IPO11: variants seen among roughly 807,000 people sequenced by gnomAD.
IPO11 encodes importin 11, also known as importin-11.
Under a neutral mutation model 143.2 loss-of-function variants are expected in IPO11, and 66 were observed. The ratio of observed to expected loss-of-function variants is 0.46; its 90% CI spans 0.38 to 0.57. IPO11 has a LOEUF of 0.57. Ranked by LOEUF, IPO11 falls within the 20% of genes least tolerant of loss-of-function variation. The pLI is 0.00. For missense variants in IPO11, 1,026 were observed against 1,141.0 expected (o/e 0.90, Z 1.45); for synonymous variants, 385 against 377.8 (o/e 1.02, Z -0.22).
chr5:62,418,917 A>G, intron 1 of IPO11: 1 of 1,407,268 alleles, frequency 7.1e-7, no homozygotes, highest in Non-Finnish European at 9.5e-7. Context: ...GGGTCATAGA[A>G]GATACAGTCA....
chr5:62,620,647 C>G (rs1210080378), intron 29 of IPO11, among the ~76,000 whole-genome samples: 1 of 151,644 alleles, frequency 6.6e-6, no homozygotes, highest in Admixed American at 6.6e-5. Context: ...TTCTAAAGAC[C>G]TGGAGTCAAT....
intron 12 of IPO11, 85 bp from the exon 13 acceptor site, chr5:62,487,686 A>G: frequency 8.0e-7 from 1 of 1,249,254 alleles, no homozygotes; most frequent in Non-Finnish European, 1.0e-6. Context: ...TTAGAATTTT[A>G]AGATTAAGTA....
At chr5:62,423,082 A>T (rs1743577716) in intron 1 of IPO11, among the ~76,000 whole-genome samples, 1 of 152,172 alleles carries the variant, frequency 6.6e-6, no homozygotes, top group Non-Finnish European at 1.5e-5. Context: ...TGTTGGCTTG[A>T]TATGCTCCAT....
chr5:62,494,285 T>G (rs1231611477), intron 16 of IPO11, among the ~76,000 whole-genome samples, 161 bp downstream of exon 16: 1 of 152,210 alleles, frequency 6.6e-6, no homozygotes, highest in African/African-American at 2.4e-5. Context: ...AGAAAATCTT[T>G]TGATTCTTGT....
At position 62,494,454 on chromosome 5, in the gene IPO11, A is replaced by G. The variant is rs575683351; in HGVS notation, c.1590+330A>G. ...TAGACTTTGGCATTGAAATAGCATC[A>G]TAATTTATTTCATCTTTACTGTTGA... On this transcript the variant is annotated intron_variant, in intron 16 of 29. Coordinates refer to ENST00000325324, the MANE Select transcript of IPO11 (RefSeq NM_016338.5). Among the ~76,000 whole-genome samples, 8 of 152,300 alleles carry G rather than the reference A, an allele frequency of 5.3e-5. No individual in the cohort carries two copies. The South Asian group carries it at 1.4e-3, about 28-fold the overall frequency.
At chr5:62,608,205 C>A (rs1460934690) in intron 29 of IPO11, among the ~76,000 whole-genome samples, 1 of 152,166 alleles carries the variant, frequency 6.6e-6, no homozygotes, top group East Asian at 1.9e-4. Context: ...CATTCCTTTT[C>A]TTTTGGTAGA....
chr5:62,481,968 C>T (rs943383620), intron 9 of IPO11, among the ~76,000 whole-genome samples: 1 of 152,060 alleles, frequency 6.6e-6, no homozygotes, highest in Non-Finnish European at 1.5e-5. Flanking sequence ...AATTTCAGAG[C>T]CTGTTACTGG....
chr5:62,564,378 C>G (rs1176274184), intron 27 of IPO11, among the ~76,000 whole-genome samples: 1 of 152,150 alleles, frequency 6.6e-6, no homozygotes, highest in East Asian at 1.9e-4. Context: ...TTTTCCTCTT[C>G]TGCATCCTCA....
intron 27 of IPO11, among the ~76,000 whole-genome samples, chr5:62,584,159 T>TA (rs1744668845): frequency 6.6e-6 from 1 of 152,220 alleles, no homozygotes; most frequent in Non-Finnish European, 1.5e-5. Context: ...TGTGGAATTT[T>TA]AAAAACATAT....
intron 19 of IPO11, among the ~76,000 whole-genome samples, chr5:62,514,229 G>C (rs969600407): frequency 6.6e-5 from 10 of 152,076 alleles, no homozygotes; most frequent in Non-Finnish European, 1.5e-4. Flanking sequence ...ACTTTGGGGG[G>C]CCAAGGCAGG....
intron 9 of IPO11, among the ~76,000 whole-genome samples, chr5:62,477,134 T>A (rs1218340242): frequency 5.3e-5 from 8 of 152,180 alleles, no homozygotes; most frequent in Non-Finnish European, 1.2e-4. Context: ...AGAATGACCA[T>A]CAGACTATCT....
At chr5:62,458,146 C>CAAA (rs58357821) in intron 5 of IPO11, among the ~76,000 whole-genome samples, 189 of 63,252 alleles carry the variant, frequency 3.0e-3, no homozygotes, top group Non-Finnish European at 4.5e-3. Flanking sequence ...GACTCTGTCT[C>CAAA]AAAAAAAAAA....
In IPO11 at chr5:62,494,039, A is replaced by G. The variant is rs1490598361; in HGVS notation, c.1505A>G (p.Gln502Arg). ...LRRRVIWLIG[Q>R]WISVKFKSDL... ...CGCAGGGTGATTTGGCTCATCGGTC[A>G]GTGGATTTCTGTGAAATTCAAGTCT... Residue 502 changes from glutamine (Q) to arginine (R), a missense_variant, in exon 16 of 30, where the codon CAG becomes CGG. Physicochemically the swap from Gln to Arg is conservative, Grantham distance 43. This residue lies in a region of IPO11 where 237 missense variants were observed against 288.0 expected (regional missense o/e 0.82). Coordinates refer to ENST00000325324, the MANE Select transcript of IPO11 (RefSeq NM_016338.5). The G allele has an allele frequency of 3.7e-6, 6 of 1,613,444 alleles. No homozygotes were observed. The highest frequency in any genetic ancestry group is 4.2e-6 in the Non-Finnish European group (5 of 1,179,594).
At chr5:62,440,507 C>G (rs184573648) in intron 2 of IPO11, among the ~76,000 whole-genome samples, 8 of 151,744 alleles carry the variant, frequency 5.3e-5, no homozygotes, top group African/African-American at 1.2e-4. Context: ...GGCGCCCCCC[C>G]ACCATGCCTA....
chr5:62,449,446 C>G (rs1004687564), intron 3 of IPO11, among the ~76,000 whole-genome samples: 18 of 152,040 alleles, frequency 1.2e-4, no homozygotes, highest in Non-Finnish European at 1.6e-4. Flanking sequence ...ATAGAATAAT[C>G]TCACACAGAT....
chr5:62,563,771 C>T (rs1454872875), intron 27 of IPO11, among the ~76,000 whole-genome samples: 1 of 151,984 alleles, frequency 6.6e-6, no homozygotes, highest in Non-Finnish European at 1.5e-5. Context: ...TAGCAGTATT[C>T]TGGCACTCAA....
At chr5:62,434,050 G>C (rs1027482278) in intron 1 of IPO11, among the ~76,000 whole-genome samples, 5 of 151,972 alleles carry the variant, frequency 3.3e-5, no homozygotes, top group East Asian at 1.9e-4. Flanking sequence ...TGCCCCATTT[G>C]TTCCTGCCCT....
At chr5:62,537,340 T>A (rs1273604595) in intron 24 of IPO11, 51 bp downstream of exon 24, 1 of 1,196,986 alleles carries the variant, frequency 8.4e-7, no homozygotes, top group Non-Finnish European at 1.2e-6. Context: ...CATTTATATT[T>A]TATGAAATTG....
rs996164060 is a variant in IPO11 at position 62,533,212 on chromosome 5, C to CTTTTT, written c.2089+2429_2089+2430insTTTTT. Reference sequence around the variant, plus strand: ...TTGCATGTATATTCTTTCTTTCTTTCTTCTTTTTTTTTTTTTGAGATGGAG... The same window carrying CTTTTT: ...TTGCATGTATATTCTTTCTTTCTTTCTTTTTTTCTTTTTTTTTTTTTGAGATGGAG... On this transcript the variant is annotated intron_variant, in intron 22 of 29. Coordinates refer to ENST00000325324, the MANE Select transcript of IPO11 (RefSeq NM_016338.5). 4.4e-5 allele frequency among the ~76,000 whole-genome samples: 4 copies of CTTTTT among 90,974 alleles called. 1 individual carries two copies. The highest frequency in any genetic ancestry group is 6.5e-5 in the Non-Finnish European group (3 of 45,854). The allele number at this position is 90,974 out of a possible 152,430, so 59.7% of individuals were successfully genotyped here. A position where few individuals can be genotyped will look rare whatever the true frequency, so the allele number is the denominator to read the frequency against.
Sources: allele counts gnomAD v4.1 joint callset (sites outside exome capture counted in the v4.1 genomes callset), GRCh38; gene constraint gnomAD v4.1.1; regional missense constraint gnomAD v4.1.1; transcripts MANE v1.5; gene names NCBI Gene and HGNC (gene_info 2026-07-23, HGNC 2026-07-21).